The following PACSIN2 variants were observed in gnomAD, a reference collection of about 807,000 sequenced individuals.
PACSIN2 encodes protein kinase C and casein kinase substrate in neurons protein 2.
PACSIN2 carries 25 observed loss-of-function variants against 63.8 expected under a neutral mutation model. That is an observed-to-expected ratio of 0.39 (90% confidence interval 0.29 to 0.55). The LOEUF is 0.55. Among genes scored for constraint, PACSIN2 ranks in the 20% least tolerant of loss-of-function variants. The pLI, the probability that PACSIN2 is intolerant of heterozygous loss-of-function variation, is 0.62. For synonymous variants in PACSIN2, 255 were observed against 256.2 expected, an observed-to-expected ratio of 1.00 and a Z score of 0.05; for missense variants, 518 against 646.9, an observed-to-expected ratio of 0.80 and a Z score of 2.16.
chr22:42,902,675 A>G lies in PACSIN2; in HGVS notation c.61-9062T>C, dbSNP rs1343116215. ...GACAGTGGTGCATCTCAGCAGTGGC[A>G]TGATCTCGGCTCACCACAACCTCTG... On this transcript the variant is annotated intron_variant, in intron 2 of 10. Coordinates refer to ENST00000263246, the MANE Select transcript of PACSIN2 (RefSeq NM_001184970.3). Among the ~76,000 whole-genome samples the G allele has an allele frequency of 8.5e-5, 13 of 152,158 alleles. No homozygotes were observed. In the East Asian group the frequency reaches 2.3e-3, roughly 27 times the overall value.
At chr22:42,974,255 C>G (rs1015884415) in intron 1 of PACSIN2, among the ~76,000 whole-genome samples, 2 of 152,232 alleles carry the variant, frequency 1.3e-5, no homozygotes, top group African/African-American at 4.8e-5. Flanking sequence ...CACCAAGGGC[C>G]TGGCGCCTGA....
rs1452830747 is a variant in PACSIN2 at position 42,980,621 on chromosome 22, C to CGATT, written c.-78+34396_-78+34399dup. Among the ~76,000 whole-genome samples, 8 of 131,860 alleles carry CGATT rather than the reference C, an allele frequency of 6.1e-5. No homozygotes were observed. In the South Asian group the frequency reaches 2.0e-3, roughly 32 times the overall value. 86.5% of individuals were successfully genotyped at this position (131,860 alleles called of 152,430 possible). Reference sequence around the variant, plus strand: ...CCTGCCTCAGCCTGCCGAGTGCCTGCGATTGCAGGCGCGCGCCGCCACGCC... The same window carrying CGATT: ...CCTGCCTCAGCCTGCCGAGTGCCTGCGATTGATTGCAGGCGCGCGCCGCCACGCC... On this transcript the variant is annotated intron_variant, in intron 1 of 10. Transcript: ENST00000263246.
At chr22:42,998,071 G>A (rs973572965) in intron 1 of PACSIN2, among the ~76,000 whole-genome samples, 1 of 152,180 alleles carries the variant, frequency 6.6e-6, no homozygotes, top group Non-Finnish European at 1.5e-5. Flanking sequence ...GCAGTTACCA[G>A]CCTTTAAGTC....
At chr22:42,875,869 T>C (rs1928576468) in intron 10 of PACSIN2, among the ~76,000 whole-genome samples, 1 of 152,078 alleles carries the variant, frequency 6.6e-6, no homozygotes, top group Admixed American at 6.6e-5. Flanking sequence ...AGACAGGTTT[T>C]GCCATTTTGC....
chr22:42,961,391 T>C (rs1166738745), intron 1 of PACSIN2, among the ~76,000 whole-genome samples: 1 of 150,950 alleles, frequency 6.6e-6, no homozygotes, highest in Non-Finnish European at 1.5e-5. Context: ...CCCTCCACTA[T>C]TGTCCTATGA....
chr22:42,960,665 G>C (rs781557560), intron 1 of PACSIN2, among the ~76,000 whole-genome samples: 1 of 151,942 alleles, frequency 6.6e-6, no homozygotes, highest in Non-Finnish European at 1.5e-5. Flanking sequence ...ACAAGAAAAG[G>C]CGTAACTAAT....
At chr22:42,909,548 C>G (rs878918965) in intron 2 of PACSIN2, 4 of 471,176 alleles carry the variant, frequency 8.5e-6, no homozygotes, top group South Asian at 6.2e-5. Context: ...GACCACAGCA[C>G]TGCGGAGTTG....
intron 2 of PACSIN2, among the ~76,000 whole-genome samples, chr22:42,902,227 T>C (rs1233728810): frequency 1.3e-5 from 2 of 152,096 alleles, no homozygotes; most frequent in Admixed American, 1.3e-4. Context: ...GAGGAAGCGA[T>C]GTTTGAGGCG....
intron 1 of PACSIN2, among the ~76,000 whole-genome samples, chr22:42,914,647 C>G (rs1433531428): frequency 6.6e-6 from 1 of 152,188 alleles, no homozygotes; most frequent in African/African-American, 2.4e-5. Flanking sequence ...CAGGGAATAG[C>G]AGGGCTTTGG....
At chr22:42,971,882 C>T (rs1298035670) in intron 1 of PACSIN2, among the ~76,000 whole-genome samples, 3 of 36,092 alleles carry the variant, frequency 8.3e-5, no homozygotes, top group South Asian at 8.9e-4. Context: ...CAGCCCCGTT[C>T]GGGAGGTGGG....
chr22:43,012,148 T>C (rs1269898453), intron 1 of PACSIN2, among the ~76,000 whole-genome samples: 1 of 133,042 alleles, frequency 7.5e-6, no homozygotes, highest in Non-Finnish European at 1.6e-5. Flanking sequence ...TGTCTCAAAA[T>C]AAATAAATAC....
At chr22:42,961,136 G>T (rs1934117994) in intron 1 of PACSIN2, among the ~76,000 whole-genome samples, 3 of 152,164 alleles carry the variant, frequency 2.0e-5, no homozygotes, top group Admixed American at 2.0e-4. Flanking sequence ...ATTGGCAAAA[G>T]AACATACTGC....
intron 1 of PACSIN2, among the ~76,000 whole-genome samples, chr22:43,004,805 T>C (rs1489042996): frequency 6.6e-6 from 1 of 152,204 alleles, no homozygotes; most frequent in Non-Finnish European, 1.5e-5. Context: ...GTCACAGGCC[T>C]CCCTGGGCGC....
chr22:42,905,458 T>C (rs1250551262), intron 2 of PACSIN2, among the ~76,000 whole-genome samples: 6 of 152,270 alleles, frequency 3.9e-5, no homozygotes, highest in African/African-American at 7.2e-5. Context: ...AACAGGCTCA[T>C]TGGTGCCGCT....
chr22:42,934,973 T>C (rs955750862), intron 1 of PACSIN2, among the ~76,000 whole-genome samples: 6 of 152,208 alleles, frequency 3.9e-5, no homozygotes, highest in Admixed American at 3.9e-4. Flanking sequence ...TGGAGTGCAG[T>C]GGCGCAATCT....
At chr22:42,899,903 G>A (rs1300009395) in intron 2 of PACSIN2, among the ~76,000 whole-genome samples, 3 of 152,202 alleles carry the variant, frequency 2.0e-5, no homozygotes, top group Non-Finnish European at 1.5e-5. Flanking sequence ...GTAGGGGTGC[G>A]AAGTTTATGA....
At position 42,888,674 on chromosome 22, in the gene PACSIN2, T is replaced by C; in HGVS notation, c.578A>G (p.Lys193Arg). Residue 193 changes from lysine to arginine, a missense_variant, in exon 5 of 11, where the codon AAA (lysine) becomes AGA (arginine). Physicochemically the swap from Lys to Arg is conservative, Grantham distance 26 (BLOSUM62 2). Transcript: ENST00000263246. Reference sequence around the variant, plus strand: ...AACATCTTGCTTGCACTTTTCTATTTTGTCTTGCAATTTCTTGAGCTGTTC... The same window carrying C: ...AACATCTTGCTTGCACTTTTCTATTCTGTCTTGCAATTTCTTGAGCTGTTC... ...NPEQLKKLQD[K>R]IEKCKQDVLK... 6.2e-7 allele frequency: 1 copy of C among 1,614,238 alleles called. No individual in the cohort carries two copies. Among genetic ancestry groups the C allele is most frequent in the Non-Finnish European group, 8.5e-7 (1 of 1,180,038 alleles).
At chr22:42,876,798 G>C in intron 9 of PACSIN2, 90 bp downstream of exon 9, 1 of 1,542,710 alleles carries the variant, frequency 6.5e-7, no homozygotes, top group South Asian at 1.2e-5. Context: ...GTGCATTGCC[G>C]AGTGCCGAGG....
At chr22:42,909,425 G>T (rs1931301206) in intron 2 of PACSIN2, 1 of 427,684 alleles carries the variant, frequency 2.3e-6, no homozygotes, top group Non-Finnish European at 5.0e-6. Context: ...CTTGCTACCT[G>T]CCTGGGAAGA....
Sources: gnomAD v4.1 joint callset for allele counts (sites outside exome capture counted in the v4.1 genomes callset) on GRCh38, gnomAD v4.1.1 for gene constraint, MANE v1.5 for transcripts, NCBI Gene and HGNC (gene_info 2026-07-23, HGNC 2026-07-21) for gene names.